The following E2F5 variants were observed in gnomAD, a reference collection of about 807,000 sequenced individuals.
E2F5 encodes the protein transcription factor E2F5.
In E2F5, 23 loss-of-function variants were observed where a neutral mutation model predicts 39.1. The ratio of observed to expected loss-of-function variants is 0.59; its 90% CI spans 0.42 to 0.83. The LOEUF is 0.83. Ranked by LOEUF, E2F5 falls within the 40% of genes least tolerant of loss-of-function variation. E2F5 has a pLI of 0.00. For synonymous variants in E2F5, 145 were observed against 157.8 expected, an observed-to-expected ratio of 0.92 and a Z score of 0.61; for missense variants, 365 against 406.7, an observed-to-expected ratio of 0.90 and a Z score of 0.88.
chr8:85,202,152 T>G lies in E2F5; in HGVS notation c.240T>G (p.Ala80=), dbSNP rs768576709. Residue 80 remains alanine, a synonymous_variant, in exon 2 of 8, where the codon GCT becomes GCG. Coordinates refer to ENST00000416274, the MANE Select transcript of E2F5 (RefSeq NM_001951.4). ...KDGVLDLKAA[A]DTLAVRQKRR... ...TCGTTGTCTTTCCTGAACAGGCTGC[T>G]GATACTTTGGCTGTGAGGCAAAAAA... 4.3e-6 allele frequency: 7 copies of G among 1,612,340 alleles called. No individual in the cohort carries two copies. The highest frequency in any genetic ancestry group is 4.2e-6 in the Non-Finnish European group (5 of 1,179,214).
chr8:85,202,488 G>A (rs759771364), intron 2 of E2F5, among the ~76,000 whole-genome samples: 1 of 152,106 alleles, frequency 6.6e-6, no homozygotes, highest in Non-Finnish European at 1.5e-5. Flanking sequence ...TCTCCCTCAA[G>A]CTATTACTCA....
At chr8:85,200,246 C>CA (rs201729770) in intron 1 of E2F5, 51,311 of 673,748 alleles carry the variant, frequency 0.076, 121 homozygotes, top group East Asian at 0.093. Flanking sequence ...GACTCTGTCT[C>CA]AAAAAAAAAA....
chr8:85,194,052 G>A (rs1438126183), intron 1 of E2F5, among the ~76,000 whole-genome samples: 1 of 151,802 alleles, frequency 6.6e-6, no homozygotes, highest in Non-Finnish European at 1.5e-5. Flanking sequence ...TTTTGTTTTT[G>A]TGAGTTCTAT....
intron 1 of E2F5, among the ~76,000 whole-genome samples, chr8:85,192,985 T>G (rs1248344208): frequency 6.6e-6 from 1 of 152,222 alleles, no homozygotes; most frequent in Admixed American, 6.5e-5. Flanking sequence ...TTTAAAGCAC[T>G]TAAACAGTAT....
intron 1 of E2F5, among the ~76,000 whole-genome samples, chr8:85,199,157 C>T (rs927378008): frequency 1.3e-5 from 2 of 152,032 alleles, no homozygotes; most frequent in African/African-American, 4.8e-5. Flanking sequence ...TCTTTATCTC[C>T]TTTTTCCATT....
intron 7 of E2F5, 200 bp from the exon 8 acceptor site, chr8:85,213,553 A>AAAAAAAG: frequency 7.3e-6 from 2 of 272,644 alleles, no homozygotes; most frequent in Non-Finnish European, 1.4e-5. Context: ...AAAAAAAAAA[A>AAAAAAAG]AAAAAAAAGA....
At chr8:85,192,130 AC>A (rs1459299852) in intron 1 of E2F5, among the ~76,000 whole-genome samples, 2 of 152,196 alleles carry the variant, frequency 1.3e-5, no homozygotes, top group Non-Finnish European at 2.9e-5. Context: ...AGTGGAAGTG[AC>A]AGAACCTGGT....
At chr8:85,211,640 GTTGTTTTTTTTTTTTTTTTT>G (rs973062360) in intron 6 of E2F5, among the ~76,000 whole-genome samples, 1 of 81,058 alleles carries the variant, frequency 1.2e-5, no homozygotes, top group African/African-American at 6.3e-5. Flanking sequence ...GAGGTTTGTT[GTTGTTTTTTTTTTTTTTTTT>G]TTTTTTTTTT....
intron 6 of E2F5, among the ~76,000 whole-genome samples, chr8:85,211,792 G>T (rs1812929921): frequency 1.3e-5 from 2 of 151,406 alleles, no homozygotes; most frequent in African/African-American, 4.9e-5. Flanking sequence ...CACGTGCCAT[G>T]AATGTCTGGC....
intron 1 of E2F5, 111 bp from the exon 2 acceptor site, chr8:85,202,036 A>G (rs1468602528): frequency 1.2e-6 from 1 of 827,700 alleles, no homozygotes; most frequent in Non-Finnish European, 2.0e-6. Context: ...CAAGCAACTG[A>G]GTGGGTCAAA....
chr8:85,190,629 T>A (rs764874859), intron 1 of E2F5, among the ~76,000 whole-genome samples: 5 of 145,614 alleles, frequency 3.4e-5, no homozygotes, highest in Non-Finnish European at 6.0e-5. Flanking sequence ...TCAGCCTCCC[T>A]AGTAGCTGGG....
chr8:85,179,816 C>A (rs771230673), intron 1 of E2F5, among the ~76,000 whole-genome samples: 45 of 151,764 alleles, frequency 3.0e-4, no homozygotes, highest in Non-Finnish European at 4.7e-4. Flanking sequence ...CCCGCCAGCG[C>A]ACCCAGCTAA....
chr8:85,200,311 A>T, intron 1 of E2F5: 3 of 952,492 alleles, frequency 3.1e-6, no homozygotes, highest in Non-Finnish European at 3.7e-6. Context: ...TTTACATATG[A>T]TCTGTACATG....
intron 1 of E2F5, among the ~76,000 whole-genome samples, chr8:85,182,783 T>G (rs1563975475): frequency 6.6e-6 from 1 of 152,252 alleles, no homozygotes; most frequent in Non-Finnish European, 1.5e-5. Flanking sequence ...ATGAGCTTTT[T>G]TAAGCATGAT....
intron 1 of E2F5, among the ~76,000 whole-genome samples, chr8:85,190,129 A>G (rs1812429439): frequency 6.6e-6 from 1 of 152,106 alleles, no homozygotes; most frequent in Non-Finnish European, 1.5e-5. Context: ...TCCCTCTTAG[A>G]TGACTCCAGT....
chr8:85,211,647 T>TG (rs1563984372), intron 6 of E2F5, among the ~76,000 whole-genome samples: 8 of 131,424 alleles, frequency 6.1e-5, no homozygotes, highest in East Asian at 4.3e-4. Flanking sequence ...GTTGTTGTTT[T>TG]TTTTTTTTTT....
intron 1 of E2F5, among the ~76,000 whole-genome samples, chr8:85,190,205 G>A (rs936694798): frequency 6.6e-6 from 1 of 152,104 alleles, no homozygotes; most frequent in African/African-American, 2.4e-5. Context: ...CTGCACAGGT[G>A]TTTCCTGCTG....
rs564614021 is a variant in E2F5 at position 85,209,240 on chromosome 8, C to T, written c.714C>T (p.Pro238=). 79 of 1,613,968 alleles carry T rather than the reference C, an allele frequency of 4.9e-5. 1 individual carries two copies. The South Asian group carries it at 8.1e-4, about 17-fold the overall frequency. The part of the protein sequence containing the change: ...LINKESSSSK[P]VVFPVPPPDD... ...ATAAAGAGTCGAGTTCATCTAAGCC[C>T]GTGGTTTTTCCTGTTCCCCCACCTG... The change falls in exon 6 of 8, where the codon CCC becomes CCT. Residue 238 remains proline, a synonymous_variant. Coordinates refer to ENST00000416274, the MANE Select transcript of E2F5 (RefSeq NM_001951.4).
chr8:85,186,642 A>G (rs1812342653), intron 1 of E2F5, among the ~76,000 whole-genome samples: 1 of 144,750 alleles, frequency 6.9e-6, no homozygotes, highest in Admixed American at 6.9e-5. Flanking sequence ...GTATATATGT[A>G]AGGTATATAT....
Sources: gnomAD v4.1 joint callset for allele counts (sites outside exome capture counted in the v4.1 genomes callset) on GRCh38, gnomAD v4.1.1 for gene constraint, MANE v1.5 for transcripts, NCBI Gene and HGNC (gene_info 2026-07-23, HGNC 2026-07-21) for gene names.